Variants in FHIT observed in about 807,000 individuals in gnomAD.
The protein encoded by FHIT is fragile histidine triad diadenosine triphosphatase, also known as bis(5'-adenosyl)-triphosphatase.
FHIT carries 19 observed loss-of-function variants against 17.9 expected under a neutral mutation model. The observed-to-expected ratio is 1.06, with a 90% CI of 0.74 to 1.56. FHIT has a LOEUF of 1.56. Among genes scored for constraint, FHIT ranks in the 40% most tolerant of loss-of-function variants. FHIT has a pLI of 0.00. For synonymous variants in FHIT, 81 were observed against 69.7 expected, an observed-to-expected ratio of 1.16 and a Z score of -0.81; for missense variants, 248 against 189.2, an observed-to-expected ratio of 1.31 and a Z score of -1.82.
intron 4 of FHIT, among the ~76,000 whole-genome samples, chr3:60,707,620 T>A (rs2041407113): frequency 6.6e-6 from 1 of 152,188 alleles, no homozygotes; most frequent in Admixed American, 6.5e-5. Context: ...AAGGTAGCAA[T>A]TAGAGTCCAG....
chr3:60,545,611 G>A (rs961835601), intron 4 of FHIT, among the ~76,000 whole-genome samples: 1 of 151,988 alleles, frequency 6.6e-6, no homozygotes, highest in Non-Finnish European at 1.5e-5. Context: ...TTAACCTGAG[G>A]GTTATTTCAT....
intron 5 of FHIT, among the ~76,000 whole-genome samples, chr3:60,121,695 AAAC>A (rs1705256964): frequency 8.3e-6 from 1 of 121,040 alleles, no homozygotes; most frequent in Non-Finnish European, 1.8e-5. Context: ...AAAAACAAAC[AAAC>A]AAACAAAACA....
chr3:61,113,609 T>C (rs1559992414), intron 2 of FHIT, among the ~76,000 whole-genome samples: 3 of 152,202 alleles, frequency 2.0e-5, no homozygotes, highest in Non-Finnish European at 4.4e-5. Flanking sequence ...CCTAGTTCTA[T>C]GTTCTAGGTA....
At chr3:60,529,631 T>C (rs1168310539) in intron 5 of FHIT, among the ~76,000 whole-genome samples, 1 of 152,168 alleles carries the variant, frequency 6.6e-6, no homozygotes, top group African/African-American at 2.4e-5. Context: ...TAAAATCTGA[T>C]GACTTGCATG....
At chr3:60,426,227 G>A (rs529087754) in intron 5 of FHIT, among the ~76,000 whole-genome samples, 1 of 152,148 alleles carries the variant, frequency 6.6e-6, no homozygotes, top group Admixed American at 6.6e-5. Flanking sequence ...TTAAGTGAGT[G>A]AATACTTGCC....
intron 5 of FHIT, among the ~76,000 whole-genome samples, chr3:60,159,878 C>T (rs958748302): frequency 2.0e-5 from 3 of 152,126 alleles, no homozygotes; most frequent in Non-Finnish European, 4.4e-5. Context: ...CACTCAACAG[C>T]GGCTCCAGAA....
At chr3:59,844,310 C>T (rs2106762253) in intron 8 of FHIT, among the ~76,000 whole-genome samples, 1 of 152,222 alleles carries the variant, frequency 6.6e-6, no homozygotes, top group South Asian at 2.1e-4. Context: ...ATTTTTCTGG[C>T]TAGGACTTTA....
chr3:61,035,006 C>G lies in FHIT; in HGVS notation c.-111+7041G>C, dbSNP rs75692093. Among the ~76,000 whole-genome samples, 136 of 152,214 alleles carry G rather than the reference C, an allele frequency of 8.9e-4. 1 individual carries two copies. The highest frequency in any genetic ancestry group is 3.1e-3 in the African/African-American group (129 of 41,540). Reference sequence around the variant, plus strand: ...TGATACATCTTATAACCTGGGTGAACCTTGAAAACATGCCAAGTGAAAGAA... The same window carrying G: ...TGATACATCTTATAACCTGGGTGAAGCTTGAAAACATGCCAAGTGAAAGAA... On this transcript the variant is annotated intron_variant, in intron 3 of 9. Transcript: ENST00000492590.
intron 5 of FHIT, among the ~76,000 whole-genome samples, chr3:60,089,387 C>T (rs967653909): frequency 1.3e-5 from 2 of 152,034 alleles, no homozygotes; most frequent in Non-Finnish European, 2.9e-5. Flanking sequence ...AACCATGATT[C>T]CCTGTCCATT....
At chr3:60,207,430 C>T (rs1576309401) in intron 5 of FHIT, among the ~76,000 whole-genome samples, 1 of 152,118 alleles carries the variant, frequency 6.6e-6, no homozygotes, top group East Asian at 1.9e-4. Context: ...CTATATGGGT[C>T]ACTTTTCTTA....
chr3:59,937,397 G>C (rs1706294435), intron 7 of FHIT, among the ~76,000 whole-genome samples: 1 of 152,188 alleles, frequency 6.6e-6, no homozygotes, highest in Admixed American at 6.6e-5. Context: ...TGTGTTAAAA[G>C]TGATGGCTGT....
intron 5 of FHIT, among the ~76,000 whole-genome samples, chr3:60,289,906 GCA>G (rs1398439851): frequency 1.3e-5 from 2 of 152,158 alleles, no homozygotes; most frequent in African/African-American, 4.8e-5. Flanking sequence ...CTCTGCAGCA[GCA>G]CATTCTAAAT....
intron 7 of FHIT, among the ~76,000 whole-genome samples, chr3:59,938,214 C>T (rs1217199050): frequency 1.3e-5 from 2 of 152,092 alleles, no homozygotes; most frequent in African/African-American, 4.8e-5. Flanking sequence ...GAATATTATT[C>T]GGCCTTAAAA....
intron 4 of FHIT, among the ~76,000 whole-genome samples, chr3:60,642,605 A>T (rs1440822520): frequency 6.6e-6 from 1 of 152,192 alleles, no homozygotes; most frequent in Non-Finnish European, 1.5e-5. Flanking sequence ...AAGGGGAGAA[A>T]TGTGGTTGCA....
intron 4 of FHIT, among the ~76,000 whole-genome samples, chr3:60,692,649 C>T (rs1553699771): frequency 1.3e-5 from 2 of 152,168 alleles, no homozygotes; most frequent in African/African-American, 4.8e-5. Context: ...AGCCTAACAT[C>T]TTAGCCCACT....
At chr3:60,072,594 T>A (rs1702825754) in intron 5 of FHIT, among the ~76,000 whole-genome samples, 1 of 152,208 alleles carries the variant, frequency 6.6e-6, no homozygotes, top group Non-Finnish European at 1.5e-5. Context: ...CCACCGTTAT[T>A]GTTCCCATTC....
intron 5 of FHIT, among the ~76,000 whole-genome samples, chr3:60,213,226 TG>T (rs1188850849): frequency 4.6e-5 from 7 of 152,178 alleles, no homozygotes; most frequent in African/African-American, 7.2e-5. Context: ...TACCCTTTCT[TG>T]CTCTCTCTCC....
At chr3:59,840,409 A>AAT (rs397989807) in intron 8 of FHIT, among the ~76,000 whole-genome samples, 169 of 149,752 alleles carry the variant, frequency 1.1e-3, no homozygotes, top group African/African-American at 4.1e-3. Flanking sequence ...AAAAAAAAAA[A>AAT]GAAAGAAACC....
chr3:60,122,627 A>C (rs147397302), intron 5 of FHIT, among the ~76,000 whole-genome samples: 194 of 152,308 alleles, frequency 1.3e-3, no homozygotes, highest in African/African-American at 4.3e-3. Context: ...CACGAAGGAC[A>C]GATAGACACT....
Sources: gnomAD v4.1 joint callset for allele counts (sites outside exome capture counted in the v4.1 genomes callset) on GRCh38, gnomAD v4.1.1 for gene constraint, MANE v1.5 for transcripts, NCBI Gene and HGNC (gene_info 2026-07-23, HGNC 2026-07-21) for gene names.